Variants in LSAMP observed in about 807,000 individuals in gnomAD.
LSAMP encodes the protein limbic system associated membrane protein.
LSAMP carries 7 observed loss-of-function variants against 38.6 expected under a neutral mutation model. That is an observed-to-expected ratio of 0.18 (90% CI 0.10 to 0.34). The LOEUF is 0.34. Ranked by LOEUF, LSAMP falls within the 10% of genes least tolerant of loss-of-function variation. LSAMP has a pLI of 1.00. For synonymous variants in LSAMP, 154 were observed against 166.8 expected (o/e 0.92, Z 0.59); for missense variants, 313 against 420.0 (o/e 0.75, Z 2.23).
chr3:116,127,263 G>A (rs994187237), intron 1 of LSAMP, among the ~76,000 whole-genome samples: 2 of 152,148 alleles, frequency 1.3e-5, no homozygotes, highest in African/African-American at 4.8e-5. Context: ...TGTAGTGACT[G>A]ATCTGATTGT....
At chr3:116,276,675 A>T (rs9917703) in intron 1 of LSAMP, among the ~76,000 whole-genome samples, 19,841 of 122,320 alleles carry the variant, frequency 0.16, 1,296 homozygotes, top group African/African-American at 0.22. Context: ...ATGGAAAAAT[A>T]AAAAAAAAGA....
intron 1 of LSAMP, among the ~76,000 whole-genome samples, chr3:116,260,574 G>A (rs1576465979): frequency 6.6e-6 from 1 of 152,088 alleles, no homozygotes; most frequent in Non-Finnish European, 1.5e-5. Context: ...TTGAGACCAC[G>A]GCATAATCTT....
chr3:115,856,316 C>A (rs1175448156), intron 3 of LSAMP, among the ~76,000 whole-genome samples: 1 of 152,026 alleles, frequency 6.6e-6, no homozygotes, highest in Non-Finnish European at 1.5e-5. Context: ...GAGATTAGTG[C>A]CCTTATAAAA....
chr3:116,221,885 G>GGGGTGGCA (rs1482941742), intron 1 of LSAMP, among the ~76,000 whole-genome samples: 2 of 139,964 alleles, frequency 1.4e-5, no homozygotes, highest in Non-Finnish European at 3.2e-5. Context: ...GTGTAGGTGA[G>GGGGTGGCA]GGGTGGCAAA....
intron 1 of LSAMP, among the ~76,000 whole-genome samples, chr3:116,165,459 A>G (rs773139478): frequency 2.0e-5 from 3 of 152,168 alleles, no homozygotes; most frequent in Non-Finnish European, 4.4e-5. Context: ...GGATAAAGAA[A>G]GAGAAAATAG....
chr3:116,109,357 C>G (rs945300830), intron 1 of LSAMP, among the ~76,000 whole-genome samples: 3 of 151,892 alleles, frequency 2.0e-5, no homozygotes, highest in Non-Finnish European at 2.9e-5. Context: ...CCTAGCTTGG[C>G]CTGGCGAGGA....
chr3:116,189,273 G>A (rs1024913408), intron 1 of LSAMP, among the ~76,000 whole-genome samples: 2 of 152,144 alleles, frequency 1.3e-5, no homozygotes, highest in Non-Finnish European at 2.9e-5. Context: ...GTATAAGGAA[G>A]TGCAATAGAA....
intron 1 of LSAMP, among the ~76,000 whole-genome samples, chr3:116,189,172 A>G (rs1471029699): frequency 6.6e-6 from 1 of 152,216 alleles, no homozygotes; most frequent in Non-Finnish European, 1.5e-5. Context: ...TGGTCATTGA[A>G]GGCCACTCTG....
chr3:116,099,291 A>G (rs2107447086), intron 1 of LSAMP, among the ~76,000 whole-genome samples: 1 of 152,288 alleles, frequency 6.6e-6, no homozygotes, highest in East Asian at 1.9e-4. Flanking sequence ...ATGGCTTTGA[A>G]ATTATGTTAA....
intron 3 of LSAMP, among the ~76,000 whole-genome samples, chr3:115,894,996 A>G (rs1936693007): frequency 7.8e-6 from 1 of 128,466 alleles, no homozygotes; most frequent in South Asian, 2.5e-4. Context: ...ATAGAGAATA[A>G]AAAGGAAGAA....
At chr3:115,914,837 G>A (rs988473050) in intron 3 of LSAMP, among the ~76,000 whole-genome samples, 1 of 152,144 alleles carries the variant, frequency 6.6e-6, no homozygotes, top group Non-Finnish European at 1.5e-5. Flanking sequence ...GATTTTAGAG[G>A]CTTCTTCATT....
intron 1 of LSAMP, among the ~76,000 whole-genome samples, chr3:116,257,083 C>A (rs1222727496): frequency 6.6e-6 from 1 of 152,184 alleles, no homozygotes; most frequent in South Asian, 2.1e-4. Flanking sequence ...GAGGTACACA[C>A]TCCTCTGTGG....
At chr3:115,980,396 TTTTTC>T (rs1190100415) in intron 3 of LSAMP, among the ~76,000 whole-genome samples, 11 of 152,148 alleles carry the variant, frequency 7.2e-5, no homozygotes, top group Non-Finnish European at 1.6e-4. Context: ...TCCTCAATCT[TTTTTC>T]TGTGTAAAAG....
intron 1 of LSAMP, among the ~76,000 whole-genome samples, chr3:116,205,649 T>C (rs1185444502): frequency 4.7e-5 from 2 of 42,704 alleles, no homozygotes; most frequent in Non-Finnish European, 9.3e-5. Flanking sequence ...TTTCTGCATC[T>C]ATTGAGATAA....
At chr3:116,356,216 T>C (rs1268666801) in intron 1 of LSAMP, among the ~76,000 whole-genome samples, 2 of 152,162 alleles carry the variant, frequency 1.3e-5, no homozygotes, top group South Asian at 2.1e-4. Flanking sequence ...AAAGAAGATG[T>C]ACATATTATA....
chr3:116,034,866 A>G (rs767752925), intron 2 of LSAMP, among the ~76,000 whole-genome samples: 3 of 152,186 alleles, frequency 2.0e-5, no homozygotes, highest in Non-Finnish European at 4.4e-5. Flanking sequence ...AGCCTCAAAG[A>G]AAATCTTCTC....
chr3:116,014,186 G>A (rs1940412127), intron 3 of LSAMP, among the ~76,000 whole-genome samples: 1 of 152,150 alleles, frequency 6.6e-6, no homozygotes, highest in Admixed American at 6.6e-5. Context: ...ATCTGGATAA[G>A]CCCATCCTAA....
At chr3:116,115,372 T>C (rs555676431) in intron 1 of LSAMP, among the ~76,000 whole-genome samples, 1 of 152,340 alleles carries the variant, frequency 6.6e-6, no homozygotes, top group Non-Finnish European at 1.5e-5. Context: ...AAAAGAAAAG[T>C]GAGTCACCGG....
rs924492066 is a variant in LSAMP at position 115,849,286 on chromosome 3, T to C, written c.649+3197A>G. 3.3e-5 allele frequency among the ~76,000 whole-genome samples: 5 copies of C among 152,374 alleles called. No homozygotes were observed. The South Asian group carries it at 1.0e-3, about 32-fold the overall frequency. Reference sequence around the variant, plus strand: ...GCTATGTGTAATGCTATATGCCTACTGCAGAGAAGTGCTATCCAAAAGAAG... The same window carrying C: ...GCTATGTGTAATGCTATATGCCTACCGCAGAGAAGTGCTATCCAAAAGAAG... On this transcript the variant is annotated intron_variant, in intron 4 of 6. Coordinates refer to ENST00000490035, the MANE Select transcript of LSAMP (RefSeq NM_002338.5).
Sources: gnomAD v4.1 joint callset for allele counts (sites outside exome capture counted in the v4.1 genomes callset) on GRCh38, gnomAD v4.1.1 for gene constraint, MANE v1.5 for transcripts, NCBI Gene and HGNC (gene_info 2026-07-23, HGNC 2026-07-21) for gene names.